Variants in TMEM245 observed in about 807,000 individuals in gnomAD.
The protein encoded by TMEM245 is transmembrane protein 245, also known as protein CG-2.
In TMEM245, 69 loss-of-function variants were observed where a neutral mutation model predicts 101.2. The observed-to-expected ratio is 0.68, with a 90% CI of 0.56 to 0.83. The LOEUF (loss-of-function observed/expected upper bound fraction) is 0.83, where lower values mean the gene tolerates loss of function less well. Among genes scored for constraint, TMEM245 ranks in the 40% least tolerant of loss-of-function variants. TMEM245 has a pLI of 0.00. For synonymous variants in TMEM245, 537 were observed against 449.8 expected (o/e 1.19, Z -2.45); for missense variants, 1,075 against 1,092.8 (o/e 0.98, Z 0.23).
intron 8 of TMEM245, among the ~76,000 whole-genome samples, chr9:109,073,866 T>C (rs565155970): frequency 6.7e-6 from 1 of 149,078 alleles, no homozygotes; most frequent in African/African-American, 2.5e-5. Flanking sequence ...GTTTTTTTTT[T>C]TTTTTTTTTA....
chr9:109,088,533 A>C (rs753983680), intron 5 of TMEM245, among the ~76,000 whole-genome samples: 9 of 152,164 alleles, frequency 5.9e-5, no homozygotes, highest in Non-Finnish European at 1.0e-4. Context: ...CTGGAAAAAA[A>C]AAAGTATGGA....
chr9:109,050,240 A>G, intron 14 of TMEM245, 43 bp downstream of exon 14: 1 of 1,605,760 alleles, frequency 6.2e-7, no homozygotes, highest in Non-Finnish European at 8.5e-7. Flanking sequence ...TCATGGAAAA[A>G]AAGTTCTGGG....
At chr9:109,074,174 G>T (rs1829424750) in intron 8 of TMEM245, among the ~76,000 whole-genome samples, 1 of 151,986 alleles carries the variant, frequency 6.6e-6, no homozygotes, top group Non-Finnish European at 1.5e-5. Context: ...ACTAAGTAAG[G>T]TTTCTGAGTA....
chr9:109,078,724 T>A (rs1246797571), intron 8 of TMEM245, among the ~76,000 whole-genome samples: 1 of 152,250 alleles, frequency 6.6e-6, no homozygotes, highest in African/African-American at 2.4e-5. Flanking sequence ...GGCATGGTTT[T>A]GTGTTTGTGT....
intron 17 of TMEM245, among the ~76,000 whole-genome samples, chr9:109,026,373 G>A (rs1365753151): frequency 2.6e-5 from 4 of 152,110 alleles, no homozygotes; most frequent in African/African-American, 4.8e-5. Context: ...GGTAGGAAAC[G>A]CTTCTCTGAT....
intron 11 of TMEM245, among the ~76,000 whole-genome samples, chr9:109,058,580 A>G (rs768619539): frequency 1.3e-5 from 2 of 152,136 alleles, no homozygotes; most frequent in Non-Finnish European, 2.9e-5. Context: ...AAAATTTAAA[A>G]ATTAGACAAG....
intron 12 of TMEM245, among the ~76,000 whole-genome samples, chr9:109,055,547 A>G (rs1308886300): frequency 6.6e-6 from 1 of 152,264 alleles, no homozygotes; most frequent in Non-Finnish European, 1.5e-5. Context: ...ATTCTCAAAT[A>G]AGTAAAAAAG....
chr9:109,117,117 G>GT (rs916425478), intron 1 of TMEM245, among the ~76,000 whole-genome samples: 78 of 150,358 alleles, frequency 5.2e-4, no homozygotes, highest in Admixed American at 7.9e-4. Context: ...GGTTTTTTTG[G>GT]TTTTTTTTTG....
At chr9:109,100,490 A>G (rs1830257111) in intron 3 of TMEM245, among the ~76,000 whole-genome samples, 1 of 151,902 alleles carries the variant, frequency 6.6e-6, no homozygotes, top group Non-Finnish European at 1.5e-5. Context: ...CACCCAGCTA[A>G]TTTTTATTTT....
At chr9:109,053,294 G>A (rs894340352) in intron 12 of TMEM245, among the ~76,000 whole-genome samples, 2 of 152,140 alleles carry the variant, frequency 1.3e-5, no homozygotes, top group African/African-American at 2.4e-5. Context: ...GAATGTGGTG[G>A]TGCATGCCTG....
intron 12 of TMEM245, among the ~76,000 whole-genome samples, chr9:109,053,406 G>A (rs2132403065): frequency 6.6e-6 from 1 of 152,212 alleles, no homozygotes; most frequent in South Asian, 2.1e-4. Flanking sequence ...CAGACTGGAT[G>A]ACAAAGCGAG....
rs1284096729 is a variant in TMEM245, at chr9:109,050,457, A to G, written c.1978-29T>C. On this transcript the variant is annotated intron_variant, in intron 13 of 17. Coordinates refer to ENST00000374586, the MANE Select transcript of TMEM245 (RefSeq NM_032012.4). ...CAAAACAAAGGACAACATCTCCTAAAAAAATCGTATTTGGAAACTATAGGA... is the reference window on the plus strand; with the variant it reads ...CAAAACAAAGGACAACATCTCCTAAGAAAATCGTATTTGGAAACTATAGGA... 3 of 1,612,770 alleles carry G rather than the reference A, an allele frequency of 1.9e-6. No homozygotes were observed. In the East Asian group the frequency reaches 6.7e-5, roughly 36 times the overall value.
intron 16 of TMEM245, 168 bp downstream of exon 16, chr9:109,036,038 C>G (rs1384582756): frequency 5.8e-6 from 2 of 346,850 alleles, no homozygotes; most frequent in South Asian, 1.7e-4. Flanking sequence ...GTAAACAATA[C>G]TATTTTCAAT....
intron 14 of TMEM245, among the ~76,000 whole-genome samples, chr9:109,041,183 C>T (rs1828290953): frequency 6.6e-6 from 1 of 152,126 alleles, no homozygotes; most frequent in Admixed American, 6.5e-5. Flanking sequence ...AATGACAATG[C>T]ATCTGAAGCA....
intron 12 of TMEM245, among the ~76,000 whole-genome samples, chr9:109,052,856 C>A (rs1467510959): frequency 6.6e-6 from 1 of 151,836 alleles, no homozygotes; most frequent in Non-Finnish European, 1.5e-5. Context: ...GAGAAAATAT[C>A]TTGTGGTAAT....
intron 1 of TMEM245, among the ~76,000 whole-genome samples, chr9:109,112,235 G>A (rs1036684052): frequency 6.6e-6 from 1 of 152,084 alleles, no homozygotes; most frequent in Non-Finnish European, 1.5e-5. Context: ...GATTTATACT[G>A]TAGCAGTATT....
At chr9:109,031,279 T>G (rs947321659) in intron 17 of TMEM245, among the ~76,000 whole-genome samples, 1 of 152,218 alleles carries the variant, frequency 6.6e-6, no homozygotes, top group East Asian at 1.9e-4. Context: ...AAAACGTTCG[T>G]GGCAAAATAA....
In TMEM245 at chr9:109,064,583, G is replaced by GA. The variant is rs772090881; in HGVS notation, c.1533-17dup. The GA allele has an allele frequency of 3.1e-6, 5 of 1,596,480 alleles. No homozygotes were observed. The highest frequency in any genetic ancestry group is 2.2e-5 in the East Asian group (1 of 44,714). On this transcript the variant is annotated splice_polypyrimidine_tract_variant and intron_variant, in intron 9 of 17. Transcript: ENST00000374586. The stretch of plus-strand genomic sequence containing the variant: ...AGGAAGCCAACTAATGTAAAACAAA[G>GA]AAAAAAATGAAAAAAGTACACTTTC...
At chr9:109,114,533 T>C (rs1564214963) in intron 1 of TMEM245, among the ~76,000 whole-genome samples, 1 of 152,226 alleles carries the variant, frequency 6.6e-6, no homozygotes, top group Non-Finnish European at 1.5e-5. Flanking sequence ...AGTTAGTTAC[T>C]GGCAGAGCCA....
Sources: allele counts gnomAD v4.1 joint callset (sites outside exome capture counted in the v4.1 genomes callset), GRCh38; gene constraint gnomAD v4.1.1; transcripts MANE v1.5; gene names NCBI Gene and HGNC (gene_info 2026-07-23, HGNC 2026-07-21).